The following SSBP2 variants were observed in gnomAD, a reference collection of about 807,000 sequenced individuals.
SSBP2 encodes the protein single-stranded DNA-binding protein 2.
Under a neutral mutation model 61.8 loss-of-function variants are expected in SSBP2, and 17 were observed. The ratio of observed to expected loss-of-function variants is 0.28; its 90% confidence interval spans 0.19 to 0.41. The LOEUF is 0.41. Ranked by LOEUF, SSBP2 falls within the 10% of genes least tolerant of loss-of-function variation. The pLI is 1.00. For synonymous variants in SSBP2, 139 were observed against 141.3 expected (o/e 0.98, Z 0.12); for missense variants, 310 against 458.7 (o/e 0.68, Z 2.96).
chr5:81,494,398 G>A (rs572936205), intron 5 of SSBP2, among the ~76,000 whole-genome samples: 2 of 152,284 alleles, frequency 1.3e-5, no homozygotes, highest in Non-Finnish European at 2.9e-5. Flanking sequence ...CGGACTGAAT[G>A]TTTATGTCTG....
chr5:81,461,381 G>A (rs958542211), intron 9 of SSBP2, among the ~76,000 whole-genome samples: 2 of 152,002 alleles, frequency 1.3e-5, no homozygotes, highest in African/African-American at 2.4e-5. Flanking sequence ...GCTCATAGGA[G>A]TAAATATATA....
intron 1 of SSBP2, chr5:81,710,804 G>A: frequency 2.5e-6 from 1 of 393,764 alleles, no homozygotes; most frequent in South Asian, 1.9e-5. Flanking sequence ...TTAATATAAG[G>A]AATAGGCAAA....
At chr5:81,602,981 C>T (rs528584664) in intron 4 of SSBP2, among the ~76,000 whole-genome samples, 276 of 152,310 alleles carry the variant, frequency 1.8e-3, no homozygotes, top group Non-Finnish European at 2.9e-3. Context: ...AACAGTCTTT[C>T]TACCCACCAG....
At chr5:81,547,936 C>T (rs1163269544) in intron 4 of SSBP2, among the ~76,000 whole-genome samples, 1 of 152,096 alleles carries the variant, frequency 6.6e-6, no homozygotes, top group East Asian at 1.9e-4. Context: ...AGATAGGACA[C>T]AAGGATTTTT....
At chr5:81,458,685 A>G (rs904523144) in intron 10 of SSBP2, among the ~76,000 whole-genome samples, 1 of 152,232 alleles carries the variant, frequency 6.6e-6, no homozygotes, top group African/African-American at 2.4e-5. Context: ...AATATTAAAT[A>G]TGGGCAGGAA....
intron 5 of SSBP2, among the ~76,000 whole-genome samples, chr5:81,504,252 C>G (rs1351989545): frequency 6.6e-6 from 1 of 152,186 alleles, no homozygotes; most frequent in Non-Finnish European, 1.5e-5. Context: ...CAATGACATG[C>G]AAACTGCTCT....
intron 4 of SSBP2, among the ~76,000 whole-genome samples, chr5:81,524,191 C>T (rs1359382110): frequency 6.6e-6 from 1 of 152,054 alleles, no homozygotes; most frequent in East Asian, 1.9e-4. Flanking sequence ...ATCCCCAGAG[C>T]CTGTGAATGT....
intron 4 of SSBP2, among the ~76,000 whole-genome samples, chr5:81,587,129 A>G (rs760400618): frequency 2.6e-5 from 4 of 152,060 alleles, no homozygotes; most frequent in Admixed American, 6.6e-5. Context: ...AATAAATCAC[A>G]GTGTGTATAA....
chr5:81,630,867 G>C (rs1180516478), intron 3 of SSBP2, among the ~76,000 whole-genome samples: 1 of 150,952 alleles, frequency 6.6e-6, no homozygotes, highest in Non-Finnish European at 1.5e-5. Flanking sequence ...GCATGTAAAA[G>C]AGAAAGAGGT....
At chr5:81,684,379 T>A (rs1187637393) in intron 1 of SSBP2, among the ~76,000 whole-genome samples, 1 of 152,174 alleles carries the variant, frequency 6.6e-6, no homozygotes, top group African/African-American at 2.4e-5. Flanking sequence ...AATTACATAA[T>A]AATCTGGAAA....
At position 81,424,453 on chromosome 5, in the gene SSBP2, AAAG is replaced by A. The variant is rs1761826154; in HGVS notation, c.1057-3923_1057-3921del. 3.9e-5 allele frequency among the ~76,000 whole-genome samples: 6 copies of A among 152,164 alleles called. No homozygotes were observed. The South Asian group carries it at 1.2e-3, about 32-fold the overall frequency. On this transcript the variant is annotated intron_variant, in intron 16 of 16. Coordinates refer to ENST00000320672, the MANE Select transcript of SSBP2 (RefSeq NM_012446.5). ...AATACATAAATAAATAAATAAATAA[AAAG>A]AAAGAAAAGAAAAAGGAGCAACCAT...
intron 4 of SSBP2, among the ~76,000 whole-genome samples, chr5:81,579,248 A>T (rs573328922): frequency 2.6e-5 from 4 of 152,134 alleles, no homozygotes; most frequent in South Asian, 2.1e-4. Context: ...TTTTTTTCAT[A>T]AAGTTTTTCT....
intron 5 of SSBP2, among the ~76,000 whole-genome samples, chr5:81,510,519 T>C (rs1295369457): frequency 3.3e-5 from 5 of 152,082 alleles, no homozygotes; most frequent in African/African-American, 1.2e-4. Context: ...TCCCAGCACT[T>C]TGGGAGGCCA....
At chr5:81,452,667 C>T (rs889038666) in intron 10 of SSBP2, among the ~76,000 whole-genome samples, 68 of 152,104 alleles carry the variant, frequency 4.5e-4, no homozygotes, top group South Asian at 4.1e-4. Flanking sequence ...AGGTTTTCAA[C>T]GTGGTGACTG....
chr5:81,555,491 T>C (rs1318583620), intron 4 of SSBP2, among the ~76,000 whole-genome samples: 1 of 152,088 alleles, frequency 6.6e-6, no homozygotes, highest in Non-Finnish European at 1.5e-5. Flanking sequence ...TCCAACTTCT[T>C]TGGCAACTTG....
chr5:81,748,763 A>T (rs1300127690), intron 1 of SSBP2, among the ~76,000 whole-genome samples: 1 of 152,204 alleles, frequency 6.6e-6, no homozygotes, highest in Non-Finnish European at 1.5e-5. Context: ...GAGAGTAGAT[A>T]TTACTTGGTG....
chr5:81,582,483 T>C (rs544040309), intron 4 of SSBP2, among the ~76,000 whole-genome samples: 13 of 152,340 alleles, frequency 8.5e-5, no homozygotes, highest in African/African-American at 2.9e-4. Context: ...ATTAACTTTA[T>C]AATATGTACT....
At chr5:81,580,061 G>A (rs566984936) in intron 4 of SSBP2, among the ~76,000 whole-genome samples, 1 of 152,090 alleles carries the variant, frequency 6.6e-6, no homozygotes, top group African/African-American at 2.4e-5. Context: ...CTTGCAGAAA[G>A]GTTCCATAAA....
intron 4 of SSBP2, among the ~76,000 whole-genome samples, chr5:81,586,776 G>T (rs1354640524): frequency 1.3e-5 from 2 of 151,882 alleles, no homozygotes; most frequent in African/African-American, 4.8e-5. Flanking sequence ...GTGGCTCATC[G>T]TGCCTACCTG....
Sources: gnomAD v4.1 joint callset for allele counts (sites outside exome capture counted in the v4.1 genomes callset) on GRCh38, gnomAD v4.1.1 for gene constraint, MANE v1.5 for transcripts, NCBI Gene and HGNC (gene_info 2026-07-23, HGNC 2026-07-21) for gene names.